EFCAB3: variants seen among roughly 807,000 people sequenced by gnomAD.
EFCAB3 encodes the protein EF-hand calcium binding domain 3.
A neutral mutation model predicts 42.2 loss-of-function variants in EFCAB3; 36 were observed. The ratio of observed to expected loss-of-function variants is 0.85; its 90% CI spans 0.65 to 1.13. The LOEUF (loss-of-function observed/expected upper bound fraction) is 1.13. Ranked by LOEUF, EFCAB3 falls within the 50% of genes most tolerant of loss-of-function variation. The pLI, the probability that EFCAB3 is intolerant of heterozygous loss-of-function variation, is 0.00. For synonymous variants in EFCAB3, 170 were observed against 172.8 expected (o/e 0.98, Z 0.13); for missense variants, 418 against 505.1 (o/e 0.83, Z 1.65).
At chr17:62,383,236 G>A in intron 2 of EFCAB3, 183 bp downstream of exon 2, 1 of 511,128 alleles carries the variant, frequency 2.0e-6, no homozygotes, top group Non-Finnish European at 3.4e-6. Flanking sequence ...AGCACTTTGG[G>A]AGGCCGAGGT....
chr17:62,379,263 C>CA (rs1211115776), upstream of EFCAB3, among the ~76,000 whole-genome samples: 3 of 151,664 alleles, frequency 2.0e-5, no homozygotes, highest in Non-Finnish European at 4.4e-5. Flanking sequence ...ACCAAAAATA[C>CA]AAAAAAGTAG....
chr17:62,387,551 C>T, intron 3 of EFCAB3, 135 bp downstream of exon 3: 1 of 685,714 alleles, frequency 1.5e-6, no homozygotes. Context: ...AAAAACCTTA[C>T]ATTTTTGTGG....
rs560483072 is a variant in EFCAB3 at position 62,371,514 on chromosome 17, C to T, written c.34+1192C>T. On this transcript the variant is annotated intron_variant, in intron 1 of 11. Transcript: ENST00000450662. ...GGGAGGTTGCAGTGAGCCAAGATTG[C>T]GCCACTGCACTCCAGCCTGGTGACA... Among the ~76,000 whole-genome samples the T allele has an allele frequency of 3.9e-4, 59 of 152,182 alleles. 1 individual carries two copies. The Middle Eastern group carries it at 0.017, about 44-fold the overall frequency.
At chr17:62,397,630 G>T in intron 6 of EFCAB3, 1 of 604,296 alleles carries the variant, frequency 1.7e-6, no homozygotes, top group South Asian at 1.4e-5. Flanking sequence ...GCATCCAGCT[G>T]ATCAAGAATA....
At chr17:62,387,537 GAA>G in intron 3 of EFCAB3, 121 bp downstream of exon 3, 1 of 773,666 alleles carries the variant, frequency 1.3e-6, no homozygotes, top group South Asian at 2.0e-5. Flanking sequence ...TGAGAGAAAG[GAA>G]AAAAAACCTT....
At chr17:62,414,699 G>A (rs187605233) in intron 9 of EFCAB3, among the ~76,000 whole-genome samples, 175 of 152,158 alleles carry the variant, frequency 1.2e-3, no homozygotes, top group Non-Finnish European at 2.1e-3. Context: ...TCAGTTGATA[G>A]CATCTACTCA....
chr17:62,400,501 A>C (rs2070391647), intron 6 of EFCAB3, among the ~76,000 whole-genome samples: 1 of 152,170 alleles, frequency 6.6e-6, no homozygotes, highest in East Asian at 1.9e-4. Flanking sequence ...TCCTTGAGAC[A>C]GTTTGCTCAG....
intron 2 of EFCAB3, among the ~76,000 whole-genome samples, chr17:62,375,249 A>G (rs949677896): frequency 6.6e-6 from 1 of 152,208 alleles, no homozygotes; most frequent in Non-Finnish European, 1.5e-5. Context: ...GTCCTGTTGT[A>G]TTTTATTTGT....
intron 4 of EFCAB3, among the ~76,000 whole-genome samples, chr17:62,392,642 T>A (rs1413183212): frequency 6.6e-6 from 1 of 150,754 alleles, no homozygotes; most frequent in Non-Finnish European, 1.5e-5. Flanking sequence ...CAGATAATGT[T>A]TTTTTTTTTG....
intron 1 of EFCAB3, among the ~76,000 whole-genome samples, chr17:62,372,063 G>T (rs2070118265): frequency 6.6e-6 from 1 of 152,210 alleles, no homozygotes; most frequent in Non-Finnish European, 1.5e-5. Context: ...CAAGGATGAA[G>T]AAAGGAGACA....
intron 6 of EFCAB3, among the ~76,000 whole-genome samples, chr17:62,399,949 T>TACA (rs2070386592): frequency 2.0e-5 from 3 of 152,298 alleles, no homozygotes; most frequent in Admixed American, 2.0e-4. Flanking sequence ...GTATCTATTA[T>TACA]AGGAAAATGC....
upstream of EFCAB3, among the ~76,000 whole-genome samples, chr17:62,380,165 C>T (rs539459439): frequency 6.6e-6 from 1 of 152,158 alleles, no homozygotes; most frequent in Admixed American, 6.5e-5. Flanking sequence ...CCACACCAAG[C>T]TAATTTTTGT....
upstream of EFCAB3, among the ~76,000 whole-genome samples, chr17:62,377,598 A>G (rs143562453): frequency 1.2e-3 from 186 of 152,306 alleles, no homozygotes; most frequent in South Asian, 2.1e-3. Context: ...TATCTCATTA[A>G]AAGGTATCTA....
At chr17:62,401,446 T>A (rs576948313) in intron 6 of EFCAB3, among the ~76,000 whole-genome samples, 4 of 152,276 alleles carry the variant, frequency 2.6e-5, no homozygotes, top group East Asian at 1.9e-4. Flanking sequence ...TCTTTCATCC[T>A]TCTTGAATTA....
intron 7 of EFCAB3, 100 bp downstream of exon 7, chr17:62,406,773 T>G: frequency 7.8e-7 from 1 of 1,275,218 alleles, no homozygotes; most frequent in Non-Finnish European, 1.1e-6. Context: ...AGAACAGGAC[T>G]GCAGCCTATT....
intron 6 of EFCAB3, among the ~76,000 whole-genome samples, chr17:62,398,362 A>G (rs528543802): frequency 1.3e-5 from 2 of 151,944 alleles, no homozygotes; most frequent in South Asian, 4.2e-4. Flanking sequence ...GCCAAGGCAC[A>G]AGAATGGCTT....
At chr17:62,375,820 T>G (rs770196315), upstream of EFCAB3, among the ~76,000 whole-genome samples, 2 of 152,210 alleles carry the variant, frequency 1.3e-5, no homozygotes, top group Non-Finnish European at 2.9e-5. Context: ...TCTATCATTC[T>G]TCTTTCTCCT....
At chr17:62,378,744 C>T (rs2070170050), upstream of EFCAB3, among the ~76,000 whole-genome samples, 1 of 123,080 alleles carries the variant, frequency 8.1e-6, no homozygotes, top group Non-Finnish European at 1.6e-5. Context: ...GGGAGGGGAA[C>T]ATCACACACC....
intron 6 of EFCAB3, among the ~76,000 whole-genome samples, chr17:62,395,626 C>T (rs145062068): frequency 5.9e-5 from 9 of 152,198 alleles, no homozygotes; most frequent in East Asian, 1.9e-4. Context: ...TTCAGACCTC[C>T]GAAAGTAGCC....
Sources: gnomAD v4.1 joint callset for allele counts (sites outside exome capture counted in the v4.1 genomes callset) on GRCh38, gnomAD v4.1.1 for gene constraint, MANE v1.5 for transcripts, NCBI Gene and HGNC (gene_info 2026-07-23, HGNC 2026-07-21) for gene names.